The following EIF5B variants were observed in gnomAD, a reference collection of about 807,000 sequenced individuals.
EIF5B encodes the protein eukaryotic translation initiation factor 5B, also known as eIF-5B.
In EIF5B, 47 loss-of-function variants were observed where a neutral mutation model predicts 147.5. That is an observed-to-expected ratio of 0.32 (90% confidence interval 0.25 to 0.41). EIF5B has a LOEUF of 0.41. EIF5B is among the 10% of genes least tolerant of loss of function. The pLI, the probability that EIF5B is intolerant of heterozygous loss-of-function variation, is 1.00. For missense variants in EIF5B, 1,064 were observed against 1,413.2 expected (o/e 0.75, Z 3.96); for synonymous variants, 455 against 456.2 (o/e 1.00, Z 0.03).
intron 22 of EIF5B, 128 bp downstream of exon 22, chr2:99,397,026 C>A: frequency 9.5e-7 from 1 of 1,053,058 alleles, no homozygotes; most frequent in Non-Finnish European, 1.3e-6. Flanking sequence ...TGGTCTCCAC[C>A]TTCTTAACAA....
At chr2:99,350,625 T>C (rs1426272599) in intron 1 of EIF5B, among the ~76,000 whole-genome samples, 4 of 152,212 alleles carry the variant, frequency 2.6e-5, no homozygotes, top group Non-Finnish European at 5.9e-5. Flanking sequence ...TTGCTATTGT[T>C]GTTTTGAGTT....
At chr2:99,379,268 C>A in intron 11 of EIF5B, 50 bp from the exon 12 acceptor site, 1 of 1,518,682 alleles carries the variant, frequency 6.6e-7, no homozygotes, top group South Asian at 1.2e-5. Flanking sequence ...ATTTTTGCTG[C>A]TATCTTTTCC....
At chr2:99,399,056 C>A in intron 23 of EIF5B, 147 bp downstream of exon 23, 3 of 1,008,996 alleles carry the variant, frequency 3.0e-6, no homozygotes, top group South Asian at 3.5e-5. Context: ...TCTAGCTGGG[C>A]CTTGTCTGTT....
At chr2:99,363,073 T>C (rs2104181262) in intron 4 of EIF5B, among the ~76,000 whole-genome samples, 1 of 152,294 alleles carries the variant, frequency 6.6e-6, no homozygotes, top group Non-Finnish European at 1.5e-5. Context: ...TTTTAAATGC[T>C]AGCATATTTA....
At chr2:99,395,968 C>T (rs1675037771) in intron 21 of EIF5B, among the ~76,000 whole-genome samples, 1 of 152,146 alleles carries the variant, frequency 6.6e-6, no homozygotes, top group Admixed American at 6.5e-5. Flanking sequence ...TGTGTGTTCA[C>T]AATCAGACTG....
At chr2:99,342,340 T>C (rs529146612) in intron 1 of EIF5B, among the ~76,000 whole-genome samples, 3 of 152,334 alleles carry the variant, frequency 2.0e-5, no homozygotes, top group African/African-American at 7.2e-5. Context: ...GACATCTTTA[T>C]GGTGTTGAAT....
chr2:99,386,468 CGTGTGTGTGTGTGTGTGT>C (rs61494312), intron 14 of EIF5B, among the ~76,000 whole-genome samples: 1 of 142,482 alleles, frequency 7.0e-6, no homozygotes, highest in African/African-American at 2.6e-5. Flanking sequence ...TTTTGTTTTG[CGTGTGTGTGTGTGTGTGT>C]GTGTGTGTGT....
At chr2:99,383,863 ACT>A (rs58892334) in intron 14 of EIF5B, among the ~76,000 whole-genome samples, 66,186 of 151,686 alleles carry the variant, frequency 0.44, 14,690 homozygotes, top group Admixed American at 0.57. Context: ...GGTCAGGCTG[ACT>A]CTCTAGTTAG....
intron 12 of EIF5B, among the ~76,000 whole-genome samples, 167 bp from the exon 13 acceptor site, chr2:99,381,992 A>G (rs886289140): frequency 3.9e-5 from 6 of 152,204 alleles, no homozygotes; most frequent in Admixed American, 3.9e-4. Context: ...GATTTTAATG[A>G]AAATACTGAC....
At chr2:99,373,593 G>T (rs1189809985) in intron 9 of EIF5B, among the ~76,000 whole-genome samples, 1 of 152,038 alleles carries the variant, frequency 6.6e-6, no homozygotes, top group African/African-American at 2.4e-5. Context: ...TTTTAGAGGG[G>T]ACACCATTTA....
rs1223009552 is a variant in EIF5B at position 99,400,490 on chromosome 2, TTTTTA to T, written c.*1082_*1086del. The T allele has an allele frequency of 6.6e-6, 1 of 152,188 alleles. No homozygotes were observed. Among genetic ancestry groups the T allele is most frequent in the Non-Finnish European group, 1.5e-5 (1 of 68,030 alleles). 9.4% of individuals were successfully genotyped at this position (152,188 alleles called of 1,614,324 possible). On this transcript the variant is annotated 3_prime_UTR_variant, in exon 24 of 24. Coordinates refer to ENST00000289371, the MANE Select transcript of EIF5B (RefSeq NM_015904.4). The stretch of plus-strand genomic sequence containing the variant: ...TCCACTAGCATAGAATTTTAAACTA[TTTTTA>T]TTTTAAAGTTATGGCATAACATATA...
chr2:99,379,993 C>T (rs913741144), intron 12 of EIF5B, among the ~76,000 whole-genome samples: 2 of 152,160 alleles, frequency 1.3e-5, no homozygotes, highest in Non-Finnish European at 2.9e-5. Flanking sequence ...CCAGCCACAA[C>T]TTTTTAAGAT....
chr2:99,367,826 T>C (rs1674362434), intron 6 of EIF5B, among the ~76,000 whole-genome samples: 1 of 152,148 alleles, frequency 6.6e-6, no homozygotes. Flanking sequence ...GCAGTGTCTT[T>C]ATAAAAATTA....
chr2:99,377,192 A>G (rs757352371), intron 10 of EIF5B, among the ~76,000 whole-genome samples: 2 of 152,152 alleles, frequency 1.3e-5, no homozygotes, highest in Non-Finnish European at 2.9e-5. Flanking sequence ...GCTTGAGGAT[A>G]TTAAACTATT....
chr2:99,381,318 C>A (rs1198289989), intron 12 of EIF5B, among the ~76,000 whole-genome samples: 1 of 151,988 alleles, frequency 6.6e-6, no homozygotes, highest in East Asian at 1.9e-4. Context: ...CTTGGGATAA[C>A]CTTTATATGA....
At position 99,400,980 on chromosome 2, in the gene EIF5B, ACACTT is replaced by A. The variant is rs773764735; in HGVS notation, c.*1571_*1575del. 3.9e-6 allele frequency: 1 copy of A among 258,992 alleles called. No individual in the cohort carries two copies. Among genetic ancestry groups the A allele is most frequent in the African/African-American group, 2.2e-5 (1 of 45,476 alleles). The allele number at this position is 258,992 out of a possible 1,614,324, so 16.0% of individuals were successfully genotyped here. A position where few individuals can be genotyped will look rare whatever the true frequency, so the allele number is the denominator to read the frequency against. Reference sequence around the variant, plus strand: ...ACAGTTCTTTATTAAACAACTGTAAACACTTCACTGTAAAAATCCATAAAACTTTA... The same window carrying A: ...ACAGTTCTTTATTAAACAACTGTAAACACTGTAAAAATCCATAAAACTTTA... On this transcript the variant is annotated 3_prime_UTR_variant, in exon 24 of 24. Coordinates refer to ENST00000289371, the MANE Select transcript of EIF5B (RefSeq NM_015904.4).
intron 1 of EIF5B, among the ~76,000 whole-genome samples, chr2:99,343,435 G>T (rs529367883): frequency 2.0e-5 from 3 of 151,972 alleles, no homozygotes; most frequent in South Asian, 4.2e-4. Context: ...GTTTATTTTT[G>T]TTGTTGTTGC....
Position 99,398,944 on chromosome 2 carries a change from A to C in EIF5B, c.3555+35A>C, listed in dbSNP as rs769312563. 3 of 1,600,702 alleles carry C rather than the reference A, an allele frequency of 1.9e-6. No homozygotes were observed. In the African/African-American group the frequency reaches 4.0e-5, roughly 22 times the overall value. ...TCAGCAAAAGTGGCACACTTTAAGC[A>C]ACAGGGAATCACTCTTCTTGGGTCA... On this transcript the variant is annotated intron_variant, in intron 23 of 23. Transcript: ENST00000289371.
intron 18 of EIF5B, among the ~76,000 whole-genome samples, chr2:99,393,326 C>A (rs1255682281): frequency 1.3e-5 from 2 of 151,804 alleles, no homozygotes; most frequent in African/African-American, 4.8e-5. Flanking sequence ...GCATTTTATT[C>A]AAATAAAAAA....
Sources: gnomAD v4.1 joint callset for allele counts (sites outside exome capture counted in the v4.1 genomes callset) on GRCh38, gnomAD v4.1.1 for gene constraint, MANE v1.5 for transcripts, NCBI Gene and HGNC (gene_info 2026-07-23, HGNC 2026-07-21) for gene names.